The following FRMPD4 variants were observed in gnomAD, a reference collection of about 807,000 sequenced individuals.
FRMPD4 encodes FERM and PDZ domain containing 4.
A neutral mutation model predicts 94.1 loss-of-function variants in FRMPD4; 22 were observed. That is an observed-to-expected ratio of 0.23 (90% confidence interval 0.17 to 0.33). The LOEUF is 0.33. Among genes scored for constraint, FRMPD4 ranks in the 10% least tolerant of loss-of-function variants. The probability of loss-of-function intolerance (pLI) is 1.00; values close to 1 mark genes in which losing one functional copy is unlikely to be tolerated. For synonymous variants in FRMPD4, 631 were observed against 548.6 expected, an observed-to-expected ratio of 1.15 and a Z score of -2.10; for missense variants, 1,111 against 1,339.9, an observed-to-expected ratio of 0.83 and a Z score of 2.67.
At chrX:12,479,163 G>A (rs766947604) in intron 1 of FRMPD4, among the ~76,000 whole-genome samples, 85 of 109,991 alleles carry the variant, frequency 7.7e-4, no homozygotes, top group African/African-American at 2.6e-3. Flanking sequence ...TCCCCTTTAT[G>A]CCTCTTCAAC....
intron 1 of FRMPD4, among the ~76,000 whole-genome samples, chrX:12,374,751 C>T (rs1008982394): frequency 9.0e-6 from 1 of 111,338 alleles, no homozygotes; most frequent in African/African-American, 3.3e-5. Flanking sequence ...ATGGGTGGTG[C>T]TGTTTCTTGG....
chrX:12,452,526 G>C (rs1266170223), intron 1 of FRMPD4, among the ~76,000 whole-genome samples: 1 of 111,884 alleles, frequency 8.9e-6, no homozygotes, highest in Admixed American at 9.5e-5. Context: ...AATCTGCATT[G>C]TCAGTCCCTC....
chrX:12,082,528 G>T (rs182769794), intron 3 of FRMPD4, among the ~76,000 whole-genome samples: 1 of 111,557 alleles, frequency 9.0e-6, no homozygotes, highest in East Asian at 2.8e-4. Flanking sequence ...CAGTAAATTG[G>T]TACTAGAAGT....
chrX:12,264,838 T>C (rs1451455964), intron 1 of FRMPD4, among the ~76,000 whole-genome samples: 2 of 112,067 alleles, frequency 1.8e-5, no homozygotes, highest in East Asian at 2.8e-4. Flanking sequence ...ATTTATGGGG[T>C]TGGGTTGTAT....
chrX:12,416,756 G>A (rs1375071135), intron 1 of FRMPD4, among the ~76,000 whole-genome samples: 1 of 111,594 alleles, frequency 9.0e-6, no homozygotes, highest in African/African-American at 3.3e-5. Context: ...CATTTTTGAA[G>A]GTATCTAGCA....
At chrX:12,142,313 G>C (rs1461311620) in intron 1 of FRMPD4, among the ~76,000 whole-genome samples, 1 of 111,748 alleles carries the variant, frequency 8.9e-6, no homozygotes. Flanking sequence ...AAATACATAT[G>C]TATAGTTTCC....
Position 12,721,471 on chromosome X carries a change from G to C in FRMPD4, c.4902G>C (p.Ala1634=), listed in dbSNP as rs1390724412. ...AGAGGGAGGAGTCACGCCCTGAAGC[G>C]TACGACCTTACACTTTCTCAGTACA... is the stretch of plus-strand genomic sequence containing the variant. The part of the protein sequence containing the change: ...KEKREESRPE[A]YDLTLSQYKQ... Residue 1634 remains alanine (A), a synonymous_variant, in exon 17 of 17, where the codon GCG becomes GCC. Coordinates refer to ENST00000675598, the MANE Select transcript of FRMPD4 (RefSeq NM_001368397.1). The C allele has an allele frequency of 1.6e-5, 12 of 753,316 alleles. No homozygotes were observed. The highest frequency in any genetic ancestry group is 1.9e-5 in the Non-Finnish European group (12 of 638,575). The allele number at this position is 753,316 out of a possible 1,213,427, so 62.1% of individuals were successfully genotyped here.
chrX:12,683,432 G>C, intron 5 of FRMPD4, 51 bp from the exon 6 acceptor site: 1 of 645,200 alleles, frequency 1.5e-6, no homozygotes, highest in African/African-American at 2.2e-5. Context: ...ACTGTTACAA[G>C]GTTTGCATTA....
At chrX:12,693,952 C>G (rs893439538) in intron 8 of FRMPD4, among the ~76,000 whole-genome samples, 8 of 111,613 alleles carry the variant, frequency 7.2e-5, no homozygotes, top group African/African-American at 2.3e-4. Flanking sequence ...GTCTCAGCAG[C>G]TCTGTGGTAT....
chrX:12,396,102 A>G (rs1220965520), intron 1 of FRMPD4: 1 of 114,656 alleles, frequency 8.7e-6, no homozygotes, highest in African/African-American at 3.2e-5. Flanking sequence ...TGTGAACACA[A>G]ATATTTGAAC....
At chrX:12,277,112 C>A (rs2054452972) in intron 1 of FRMPD4, among the ~76,000 whole-genome samples, 1 of 87,209 alleles carries the variant, frequency 1.1e-5, no homozygotes, top group Admixed American at 1.3e-4. Context: ...CAGAGCGAGA[C>A]TCCGTCTCAA....
At chrX:11,847,695 T>C (rs186070228) in intron 1 of FRMPD4, among the ~76,000 whole-genome samples, 1 of 110,313 alleles carries the variant, frequency 9.1e-6, no homozygotes, top group Non-Finnish European at 1.9e-5. Context: ...TGGAATACTA[T>C]GTAGCCATAA....
chrX:12,144,203 G>A (rs756904426), intron 1 of FRMPD4, among the ~76,000 whole-genome samples: 63 of 112,290 alleles, frequency 5.6e-4, no homozygotes, highest in Non-Finnish European at 1.0e-3. Context: ...GTTGTAGTCA[G>A]AGGAATGGAG....
intron 4 of FRMPD4, among the ~76,000 whole-genome samples, chrX:12,644,367 G>A (rs2059528332): frequency 2.7e-5 from 3 of 111,840 alleles, no homozygotes; most frequent in Non-Finnish European, 5.6e-5. Context: ...ATCTGCATTG[G>A]CTATGCAGAG....
At chrX:12,492,590 T>TA (rs755810428) in intron 1 of FRMPD4, among the ~76,000 whole-genome samples, 66 of 112,258 alleles carry the variant, frequency 5.9e-4, no homozygotes, top group Admixed American at 3.2e-3. Flanking sequence ...GGCTTGGCAT[T>TA]AATATTTAAA....
At chrX:12,059,601 T>C (rs1375952398) in intron 3 of FRMPD4, among the ~76,000 whole-genome samples, 1 of 110,007 alleles carries the variant, frequency 9.1e-6, no homozygotes, top group Non-Finnish European at 1.9e-5. Context: ...AGTTTTTCAA[T>C]CCTTGTCCCC....
chrX:12,180,045 A>G (rs1382451887), intron 1 of FRMPD4, among the ~76,000 whole-genome samples: 1 of 111,067 alleles, frequency 9.0e-6, no homozygotes, highest in Non-Finnish European at 1.9e-5. Context: ...TGAGGCAGTT[A>G]TAGCAGAGCC....
At chrX:12,161,163 C>CTT (rs5901463) in intron 1 of FRMPD4, among the ~76,000 whole-genome samples, 44 of 101,774 alleles carry the variant, frequency 4.3e-4, no homozygotes, top group East Asian at 2.2e-3. Context: ...GTCCCAAGAA[C>CTT]TTTTTTTTTT....
At chrX:11,848,744 C>G (rs190553734) in intron 1 of FRMPD4, among the ~76,000 whole-genome samples, 396 of 111,015 alleles carry the variant, frequency 3.6e-3, no homozygotes, top group African/African-American at 0.012. Flanking sequence ...TTGCTGCAAA[C>G]AAAACAGAAA....
Sources: allele counts gnomAD v4.1 joint callset (sites outside exome capture counted in the v4.1 genomes callset), GRCh38; gene constraint gnomAD v4.1.1; transcripts MANE v1.5; gene names NCBI Gene and HGNC (gene_info 2026-07-23, HGNC 2026-07-21).